Variants in HIPK2 observed in about 807,000 individuals in gnomAD.
HIPK2 encodes homeodomain interacting protein kinase 2.
Under a neutral mutation model 113.7 loss-of-function variants are expected in HIPK2, and 27 were observed. The observed-to-expected ratio is 0.24, with a 90% CI of 0.17 to 0.33. The LOEUF (loss-of-function observed/expected upper bound fraction) is 0.33, where lower values mean the gene tolerates loss of function less well. Among genes scored for constraint, HIPK2 ranks in the 10% least tolerant of loss-of-function variants. HIPK2 has a pLI of 1.00. For missense variants in HIPK2, 1,257 were observed against 1,588.0 expected (o/e 0.79, Z 3.54); for synonymous variants, 631 against 642.2 (o/e 0.98, Z 0.26).
chr7:139,613,071 C>G lies in HIPK2; in HGVS notation c.2112+131G>C. ...CACTTGGGGACCATTTAGAATATTA[C>G]AGATACATTCCAATGACTAGAAGCA... On this transcript the variant is annotated intron_variant, in intron 9 of 14. Coordinates refer to ENST00000406875, the MANE Select transcript of HIPK2 (RefSeq NM_022740.5). The surrounding 1 kb of genome is among the most constrained non-coding windows in gnomAD (Gnocchi z 4.2). The G allele has an allele frequency of 9.1e-7, 1 of 1,093,540 alleles. No individual in the cohort carries two copies. The allele number at this position is 1,093,540 out of a possible 1,614,324, so 67.7% of individuals were successfully genotyped here.
At chr7:139,629,734 T>C (rs1365567945) in intron 4 of HIPK2, among the ~76,000 whole-genome samples, 2 of 152,204 alleles carry the variant, frequency 1.3e-5, no homozygotes, top group Non-Finnish European at 2.9e-5. Context: ...CCAGAGGTAA[T>C]TCGTCTTCAA....
At chr7:139,626,821 C>T (rs747035055) in intron 5 of HIPK2, 36 bp from the exon 6 acceptor site, 12 of 1,609,850 alleles carry the variant, frequency 7.5e-6, no homozygotes, top group Non-Finnish European at 1.0e-5. Context: ...CAAGGAAGAC[C>T]CCAGCGTGCC....
intron 1 of HIPK2, among the ~76,000 whole-genome samples, chr7:139,725,950 G>A (rs1431346910): frequency 1.3e-5 from 2 of 152,128 alleles, no homozygotes; most frequent in African/African-American, 4.8e-5. Flanking sequence ...AACGAGATGA[G>A]TCCCACACCA....
At chr7:139,710,975 C>T (rs1044841627) in intron 2 of HIPK2, among the ~76,000 whole-genome samples, 1 of 151,626 alleles carries the variant, frequency 6.6e-6, no homozygotes, top group Non-Finnish European at 1.5e-5. Flanking sequence ...TTCCTATACA[C>T]CCCGCAGAAC....
intron 12 of HIPK2, among the ~76,000 whole-genome samples, chr7:139,589,444 A>C (rs1798944676): frequency 1.3e-5 from 2 of 152,090 alleles, no homozygotes; most frequent in Admixed American, 1.3e-4. Context: ...AACACACACT[A>C]ATTTTGGCAA....
chr7:139,755,407 G>A (rs1480722522), intron 1 of HIPK2, among the ~76,000 whole-genome samples: 1 of 152,166 alleles, frequency 6.6e-6, no homozygotes, highest in Non-Finnish European at 1.5e-5. Flanking sequence ...TATACACTTT[G>A]TGTTGGTTTC....
Position 139,573,156 on chromosome 7 carries a change from G to A in HIPK2, c.3368C>T (p.Ser1123Leu), listed in dbSNP as rs1326616785. The part of the protein sequence containing the change: ...STGTVAHLVA[S>L]QGSARHTVQH... Reference sequence around the variant, plus strand: ...CACGGTGTGGCGCGCAGAGCCTTGCGAGGCCACCAGGTGGGCCACGGTGCC... The same window carrying A: ...CACGGTGTGGCGCGCAGAGCCTTGCAAGGCCACCAGGTGGGCCACGGTGCC... The change falls in exon 15 of 15, where the codon TCG (serine) becomes TTG (leucine). Residue 1123 changes from serine to leucine, a missense_variant. Transcript: ENST00000406875. The A allele has an allele frequency of 3.1e-6, 5 of 1,610,798 alleles. No individual in the cohort carries two copies. Among genetic ancestry groups the A allele is most frequent in the East Asian group, 2.2e-5 (1 of 44,838 alleles).
intron 2 of HIPK2, among the ~76,000 whole-genome samples, chr7:139,644,001 C>T (rs1801121852): frequency 6.6e-6 from 1 of 152,184 alleles, no homozygotes; most frequent in South Asian, 2.1e-4. Flanking sequence ...ACTACAGTGT[C>T]ACCAGGCCAC....
rs1798376750 is a variant in HIPK2, at chr7:139,573,377, C to T, written c.3147G>A (p.Thr1049=). Residue 1049 remains threonine, a synonymous_variant, in exon 15 of 15, where the codon ACG becomes ACA. Transcript: ENST00000406875. ...NLSQAQQHIT[T]DRTGSHRRQQ... ...GCCTTCGGTGGCTCCCAGTGCGGTC[C>T]GTGGTGATGTGCTGCTGAGCCTGGG... 1.2e-6 allele frequency: 2 copies of T among 1,603,570 alleles called. No homozygotes were observed. The highest frequency in any genetic ancestry group is 1.1e-5 in the South Asian group (1 of 91,004).
chr7:139,694,007 A>C (rs1224150364), intron 2 of HIPK2, among the ~76,000 whole-genome samples: 1 of 152,192 alleles, frequency 6.6e-6, no homozygotes. Context: ...GAAGTGACTG[A>C]TTCTAAACCG....
intron 2 of HIPK2, among the ~76,000 whole-genome samples, chr7:139,689,277 C>T (rs1047954410): frequency 6.6e-6 from 1 of 152,130 alleles, no homozygotes. Context: ...ATTTTGTTGG[C>T]GTTAACAGGG....
intron 12 of HIPK2, among the ~76,000 whole-genome samples, chr7:139,591,276 G>A (rs1799012000): frequency 6.6e-6 from 1 of 152,204 alleles, no homozygotes; most frequent in African/African-American, 2.4e-5. Flanking sequence ...ATCAGAAACA[G>A]GGTCGCAGAA....
At chr7:139,734,953 A>G (rs1795896488) in intron 1 of HIPK2, among the ~76,000 whole-genome samples, 1 of 152,172 alleles carries the variant, frequency 6.6e-6, no homozygotes, top group African/African-American at 2.4e-5. Flanking sequence ...GTGACTCCAA[A>G]ATGACGTAAA....
At chr7:139,751,344 C>T (rs1796274686) in intron 1 of HIPK2, among the ~76,000 whole-genome samples, 1 of 152,138 alleles carries the variant, frequency 6.6e-6, no homozygotes, top group South Asian at 2.1e-4. Flanking sequence ...TCCCCACCAC[C>T]ACCTCCAACC....
intron 1 of HIPK2, among the ~76,000 whole-genome samples, chr7:139,718,824 CCT>C (rs1415587714): frequency 2.0e-5 from 3 of 152,134 alleles, no homozygotes; most frequent in Non-Finnish European, 4.4e-5. Context: ...CGCATTCCCC[CCT>C]CTTAATTCTT....
Position 139,573,077 on chromosome 7 carries a change from G to T in HIPK2, c.3447C>A (p.Gly1149=). The T allele has an allele frequency of 6.2e-7, 1 of 1,612,046 alleles. No homozygotes were observed. The change falls in exon 15 of 15, where the codon GGC becomes GGA. Residue 1149 remains glycine (G), a synonymous_variant. Transcript: ENST00000406875. ...SIVHQVPVSM[G]PRVLPSPTIH... ...TGGTGGGCGAGGGCAGGACCCGGGG[G>T]CCCATGCTCACGGGGACCTGGTGGA... is the stretch of plus-strand genomic sequence containing the variant.
chr7:139,625,858 A>G (rs73156860), intron 6 of HIPK2, among the ~76,000 whole-genome samples: 2,296 of 152,288 alleles, frequency 0.015, 18 homozygotes, highest in Middle Eastern at 0.037. Flanking sequence ...CGCTGAAGAA[A>G]TGAATGAACA....
chr7:139,747,283 T>A (rs2117097371), intron 1 of HIPK2, among the ~76,000 whole-genome samples: 1 of 152,262 alleles, frequency 6.6e-6, no homozygotes, highest in East Asian at 1.9e-4. Flanking sequence ...TTGACAGGCA[T>A]CTGCAATCAA....
intron 1 of HIPK2, among the ~76,000 whole-genome samples, chr7:139,762,771 C>T (rs763101210): frequency 6.6e-6 from 1 of 152,112 alleles, no homozygotes; most frequent in Non-Finnish European, 1.5e-5. Context: ...GTGATGGTAA[C>T]GGGGTAGAGA....
Sources: gnomAD v4.1 joint callset for allele counts (sites outside exome capture counted in the v4.1 genomes callset) on GRCh38, gnomAD v4.1.1 for gene constraint, Gnocchi (gnomAD v3.1) non-coding constraint, MANE v1.5 for transcripts, NCBI Gene and HGNC (gene_info 2026-07-23, HGNC 2026-07-21) for gene names.